The following EOGT variants were observed in gnomAD, a reference collection of about 807,000 sequenced individuals.
The protein encoded by EOGT is EGF domain-specific O-linked N-acetylglucosamine transferase.
A neutral mutation model predicts 70.5 loss-of-function variants in EOGT; 55 were observed. That is an observed-to-expected ratio of 0.78 (90% CI 0.63 to 0.98). The LOEUF (loss-of-function observed/expected upper bound fraction) is 0.98. EOGT is among the 50% of genes least tolerant of loss of function. EOGT has a pLI of 0.00. For synonymous variants in EOGT, 246 were observed against 217.1 expected (o/e 1.13, Z -1.17); for missense variants, 703 against 641.9 (o/e 1.10, Z -1.03).
chr3:69,008,419 G>A lies in EOGT; in HGVS notation c.311+9C>T. On this transcript the variant is annotated intron_variant, in intron 5 of 17. Transcript: ENST00000383701. Reference sequence around the variant, plus strand: ...AGACTTGAAGAGGGTATTCCATATGGAAACTTACCATCCCATGTCGACATA... The same window carrying A: ...AGACTTGAAGAGGGTATTCCATATGAAAACTTACCATCCCATGTCGACATA... 6.2e-7 allele frequency: 1 copy of A among 1,601,648 alleles called. No homozygotes were observed. Among genetic ancestry groups the A allele is most frequent in the Non-Finnish European group, 8.6e-7 (1 of 1,168,716 alleles).
chr3:69,007,507 C>CCGGGG lies in EOGT; in HGVS notation c.420+205_420+206insCCCCG, dbSNP rs1553673401. ...CCTTTACTAAAAATATAAAAATTAGCGGGGGGGGGTGGCACGCGCCTGTAA... is the reference window on the plus strand; with the variant it reads ...CCTTTACTAAAAATATAAAAATTAGCCGGGGGGGGGGGGGTGGCACGCGCCTGTAA... On this transcript the variant is annotated intron_variant, in intron 6 of 17. Transcript: ENST00000383701. Among the ~76,000 whole-genome samples the CCGGGG allele has an allele frequency of 2.0e-4, 5 of 24,814 alleles. 1 individual carries two copies. Among genetic ancestry groups the CCGGGG allele is most frequent in the African/African-American group, 7.2e-4 (5 of 6,898 alleles). The allele number at this position is 24,814 out of a possible 152,430, so 16.3% of individuals were successfully genotyped here.
intron 10 of EOGT, among the ~76,000 whole-genome samples, chr3:68,997,250 A>G (rs1047027870): frequency 9.2e-5 from 14 of 152,378 alleles, no homozygotes; most frequent in Middle Eastern, 3.4e-3. Context: ...AATTCAGCAC[A>G]AAGGACACAG....
At chr3:68,992,623 G>C (rs1370661852) in intron 10 of EOGT, among the ~76,000 whole-genome samples, 1 of 152,174 alleles carries the variant, frequency 6.6e-6, no homozygotes. Context: ...CTGGGGTCTG[G>C]AGGATGATGG....
In EOGT at chr3:68,978,361, C is replaced by T. The variant is rs767286044; in HGVS notation, c.1409G>A (p.Arg470Gln). Residue 470 changes from arginine (R) to glutamine (Q), a missense_variant, in exon 17 of 18, where the codon CGG becomes CAG. Coordinates refer to ENST00000383701, the MANE Select transcript of EOGT (RefSeq NM_001278689.2). Reference sequence around the variant, plus strand: ...ATCCTGAGGAAAGACTTTGTTCTGCCGTCGCCAAGTGATGTAGTGAACGCC... The same window carrying T: ...ATCCTGAGGAAAGACTTTGTTCTGCTGTCGCCAAGTGATGTAGTGAACGCC... Reference protein sequence around the residue: ...LRGVHYITWRRQNKVFPQDKG... With the variant: ...LRGVHYITWRQQNKVFPQDKG... The T allele has an allele frequency of 2.4e-5, 39 of 1,612,532 alleles. No homozygotes were observed. In the East Asian group the frequency reaches 5.6e-4, roughly 23 times the overall value.
intron 15 of EOGT, among the ~76,000 whole-genome samples, chr3:68,981,614 G>C (rs1415987852): frequency 6.6e-6 from 1 of 152,108 alleles, no homozygotes; most frequent in African/African-American, 2.4e-5. Flanking sequence ...CTAGCAACAG[G>C]AATTACCCAA....
At chr3:69,008,360 T>C (rs1196279286) in intron 5 of EOGT, 68 bp downstream of exon 5, 1 of 1,071,266 alleles carries the variant, frequency 9.3e-7, no homozygotes, top group Non-Finnish European at 1.4e-6. Context: ...TAGCTGGAAA[T>C]TAGGGCATCA....
chr3:69,010,686 G>C (rs1379376887), intron 3 of EOGT, among the ~76,000 whole-genome samples: 1 of 152,188 alleles, frequency 6.6e-6, no homozygotes, highest in Non-Finnish European at 1.5e-5. Context: ...TTAAATAAAA[G>C]TTTAAAGCCA....
chr3:68,984,353 G>A (rs2090741632), intron 14 of EOGT, among the ~76,000 whole-genome samples: 1 of 152,168 alleles, frequency 6.6e-6, no homozygotes, highest in African/African-American at 2.4e-5. Flanking sequence ...GATGGCAGAT[G>A]GCATAAGCCT....
Position 68,998,067 on chromosome 3 carries a change from T to C in EOGT, c.775A>G (p.Thr259Ala). ...CTGAATGAGTTATTAACGTGCTGAG[T>C]AATATAAAGATTGATGAAATCACAG... is the stretch of plus-strand genomic sequence containing the variant. ...HFCDFINLYI[T>A]QHVNNSFSTD... The change falls in exon 10 of 18, where the codon ACT becomes GCT. Residue 259 changes from threonine (T) to alanine (A), a missense_variant. Coordinates refer to ENST00000383701, the MANE Select transcript of EOGT (RefSeq NM_001278689.2). 6.2e-7 allele frequency: 1 copy of C among 1,601,844 alleles called. No homozygotes were observed. The highest frequency in any genetic ancestry group is 1.7e-5 in the Admixed American group (1 of 57,582).
In EOGT at chr3:68,982,329, G is replaced by A. The variant is rs185253641; in HGVS notation, c.1214+482C>T. Among the ~76,000 whole-genome samples, 495 of 152,176 alleles carry A rather than the reference G, an allele frequency of 3.3e-3. 3 individuals are homozygous for A. Among genetic ancestry groups the A allele is most frequent in the African/African-American group, 0.012 (483 of 41,490 alleles). On this transcript the variant is annotated intron_variant, in intron 15 of 17. Transcript: ENST00000383701. ...GAGGTCACGACTTCAAGACCAGCCTGACCAATATGGTGAAACCTCGTCTCT... is the reference window on the plus strand; with the variant it reads ...GAGGTCACGACTTCAAGACCAGCCTAACCAATATGGTGAAACCTCGTCTCT...
chr3:69,008,605 C>A (rs1449474725), intron 4 of EOGT, 77 bp from the exon 5 acceptor site: 15 of 1,011,478 alleles, frequency 1.5e-5, no homozygotes, highest in Non-Finnish European at 2.2e-5. Flanking sequence ...ATTAAGAAAA[C>A]AAATCATTAT....
Position 68,988,447 on chromosome 3 carries a change from A to T in EOGT, c.996+59T>A. The T allele has an allele frequency of 5.4e-6, 8 of 1,486,486 alleles. No individual in the cohort carries two copies. In the South Asian group the frequency reaches 9.7e-5, roughly 18 times the overall value. 92.1% of individuals were successfully genotyped at this position (1,486,486 alleles called of 1,614,324 possible). A position where few individuals can be genotyped will look rare whatever the true frequency, so the allele number is the denominator to read the frequency against. ...TGTATTATAATTTAAGATACTGTCA[A>T]CTTATGTATAAATGTTATGTCTGTA... On this transcript the variant is annotated intron_variant, in intron 12 of 17. Coordinates refer to ENST00000383701, the MANE Select transcript of EOGT (RefSeq NM_001278689.2).
intron 14 of EOGT, 145 bp from the exon 15 acceptor site, chr3:68,983,017 A>G (rs775982688): frequency 1.7e-6 from 1 of 577,890 alleles, no homozygotes; most frequent in Non-Finnish European, 3.0e-6. Context: ...ATAAAAAGAA[A>G]ATAAATAAAT....
chr3:68,988,633 T>C (rs1355287155), intron 11 of EOGT, 56 bp from the exon 12 acceptor site: 4 of 1,044,380 alleles, frequency 3.8e-6, no homozygotes, highest in Non-Finnish European at 5.5e-6. Flanking sequence ...ACACCAAAAA[T>C]AGCACGTATA....
rs112774891 is a variant in EOGT, at chr3:69,005,532, T to A, written c.421-298A>T. ...ATATGTGGCTCAGTTCAGTCCCCTT[T>A]AAAAGAAAAAAAAAGTACCCAGATC... On this transcript the variant is annotated intron_variant, in intron 6 of 17. Coordinates refer to ENST00000383701, the MANE Select transcript of EOGT (RefSeq NM_001278689.2). Among the ~76,000 whole-genome samples the A allele has an allele frequency of 9.8e-4, 148 of 151,320 alleles. 2 individuals are homozygous for A. The highest frequency in any genetic ancestry group is 3.4e-3 in the African/African-American group (141 of 41,236).
chr3:68,988,559 C>T lies in EOGT; in HGVS notation c.943G>A (p.Val315Ile), dbSNP rs1177064283. The T allele has an allele frequency of 1.3e-6, 2 of 1,532,254 alleles. No individual in the cohort carries two copies. Among genetic ancestry groups the T allele is most frequent in the Non-Finnish European group, 1.7e-6 (2 of 1,145,046 alleles). 94.9% of individuals were successfully genotyped at this position (1,532,254 alleles called of 1,614,324 possible). A position where few individuals can be genotyped will look rare whatever the true frequency, so the allele number is the denominator to read the frequency against. The change falls in exon 12 of 18, where the codon GTT becomes ATT. Residue 315 changes from valine to isoleucine, a missense_variant. Transcript: ENST00000383701. ...CTCATGCGGGGGAGTAATGAAAAAA[C>T]AGCTTCTTTAAAACATACCTAAGAA... ...DSKRVCFKEAVFSLLPRMRYG... is the reference protein window; with the variant it reads ...DSKRVCFKEAIFSLLPRMRYG...
chr3:69,009,346 C>G (rs752141186), intron 4 of EOGT, among the ~76,000 whole-genome samples: 1 of 152,176 alleles, frequency 6.6e-6, no homozygotes, highest in South Asian at 2.1e-4. Flanking sequence ...TTACTTTTAA[C>G]AAGATGTTCT....
intron 3 of EOGT, among the ~76,000 whole-genome samples, chr3:69,010,835 T>A (rs555013968): frequency 1.3e-5 from 2 of 152,106 alleles, no homozygotes; most frequent in Non-Finnish European, 2.9e-5. Context: ...ATTATAATCA[T>A]AATCAAGGTA....
intron 10 of EOGT, among the ~76,000 whole-genome samples, chr3:68,993,736 G>A (rs184932365): frequency 6.6e-6 from 1 of 152,264 alleles, no homozygotes; most frequent in Non-Finnish European, 1.5e-5. Flanking sequence ...AAGAAAAAGA[G>A]GTTTAACTGG....
Sources: gnomAD v4.1 joint callset for allele counts (sites outside exome capture counted in the v4.1 genomes callset) on GRCh38, gnomAD v4.1.1 for gene constraint, MANE v1.5 for transcripts, NCBI Gene and HGNC (gene_info 2026-07-23, HGNC 2026-07-21) for gene names.